Variants in MAGI2 observed in about 807,000 individuals in gnomAD.
MAGI2 encodes membrane-associated guanylate kinase, WW and PDZ domain-containing protein 2.
A neutral mutation model predicts 133.3 loss-of-function variants in MAGI2; 35 were observed. The observed-to-expected ratio is 0.26, with a 90% confidence interval of 0.20 to 0.35. The LOEUF (loss-of-function observed/expected upper bound fraction) is 0.35, where lower values mean the gene tolerates loss of function less well. Among genes scored for constraint, MAGI2 ranks in the 10% least tolerant of loss-of-function variants. The pLI, the probability that MAGI2 is intolerant of heterozygous loss-of-function variation, is 1.00. For synonymous variants in MAGI2, 729 were observed against 710.6 expected, an observed-to-expected ratio of 1.03 and a Z score of -0.41; for missense variants, 1,636 against 1,863.4, an observed-to-expected ratio of 0.88 and a Z score of 2.25.
chr7:79,322,991 A>G (rs1013881670), intron 1 of MAGI2, among the ~76,000 whole-genome samples: 1 of 151,912 alleles, frequency 6.6e-6, no homozygotes, highest in Admixed American at 6.6e-5. Context: ...CGCATGCACC[A>G]TTACTCCTCA....
chr7:79,236,914 G>A (rs1454333032), intron 1 of MAGI2, among the ~76,000 whole-genome samples: 4 of 152,130 alleles, frequency 2.6e-5, no homozygotes, highest in Non-Finnish European at 4.4e-5. Context: ...GGACAGTGGT[G>A]TGCAACTGTA....
chr7:78,117,453 A>AG (rs2150486088), intron 20 of MAGI2, among the ~76,000 whole-genome samples: 1 of 152,228 alleles, frequency 6.6e-6, no homozygotes, highest in Non-Finnish European at 1.5e-5. Flanking sequence ...CTATGGATGC[A>AG]GAAAAAGTAG....
intron 9 of MAGI2, among the ~76,000 whole-genome samples, chr7:78,271,476 A>T (rs567495302): frequency 6.6e-6 from 1 of 152,100 alleles, no homozygotes; most frequent in Non-Finnish European, 1.5e-5. Flanking sequence ...CATAAAATGA[A>T]TTAGGGAGGA....
chr7:79,207,268 ATAAGT>A (rs1829134080), intron 1 of MAGI2, among the ~76,000 whole-genome samples: 1 of 151,932 alleles, frequency 6.6e-6, no homozygotes, highest in Admixed American at 6.6e-5. Context: ...TTGGAAAGCA[ATAAGT>A]TAAGTTGTCC....
At chr7:78,398,123 T>C (rs936356105) in intron 6 of MAGI2, among the ~76,000 whole-genome samples, 3 of 152,174 alleles carry the variant, frequency 2.0e-5, no homozygotes, top group African/African-American at 7.2e-5. Flanking sequence ...ATCTACATGC[T>C]GTAATCAGCT....
chr7:79,273,790 C>T (rs1161302779), intron 1 of MAGI2, among the ~76,000 whole-genome samples: 2 of 151,984 alleles, frequency 1.3e-5, no homozygotes, highest in African/African-American at 2.4e-5. Flanking sequence ...CTTCACTGTT[C>T]CCCTTATGCA....
At chr7:79,188,409 G>C (rs940519459) in intron 1 of MAGI2, among the ~76,000 whole-genome samples, 2 of 151,778 alleles carry the variant, frequency 1.3e-5, no homozygotes, top group African/African-American at 4.9e-5. Context: ...AGTTTGCTGA[G>C]GATAATGGTT....
chr7:78,617,201 G>A (rs1374987210), intron 3 of MAGI2: 1 of 152,108 alleles, frequency 6.6e-6, no homozygotes, highest in African/African-American at 2.4e-5. Context: ...TCAAGATCCT[G>A]TGTGGGTAGG....
At chr7:78,231,942 T>TC (rs397890049) in intron 10 of MAGI2, among the ~76,000 whole-genome samples, 7 of 151,714 alleles carry the variant, frequency 4.6e-5, no homozygotes, top group Admixed American at 1.3e-4. Flanking sequence ...GGGTTTTTTT[T>TC]CCCATAATAC....
chr7:79,387,387 C>T (rs1324642266), intron 1 of MAGI2, among the ~76,000 whole-genome samples: 1 of 152,068 alleles, frequency 6.6e-6, no homozygotes, highest in Non-Finnish European at 1.5e-5. Flanking sequence ...TTAACCTCTT[C>T]TATCATATCT....
intron 1 of MAGI2, among the ~76,000 whole-genome samples, chr7:79,441,534 C>A (rs1008618139): frequency 1.3e-5 from 2 of 151,264 alleles, no homozygotes; most frequent in African/African-American, 2.4e-5. Flanking sequence ...TTTTATATTT[C>A]ATTTATAGTA....
intron 2 of MAGI2, among the ~76,000 whole-genome samples, chr7:78,700,346 T>C (rs1156631689): frequency 6.6e-6 from 1 of 152,140 alleles, no homozygotes; most frequent in African/African-American, 2.4e-5. Flanking sequence ...GTGTAGGAGA[T>C]AGTTCACATA....
chr7:78,820,927 T>C (rs1790035967), intron 2 of MAGI2, among the ~76,000 whole-genome samples: 1 of 152,034 alleles, frequency 6.6e-6, no homozygotes, highest in African/African-American at 2.4e-5. Flanking sequence ...TAATATAATT[T>C]GATAAATTTT....
intron 2 of MAGI2, among the ~76,000 whole-genome samples, chr7:78,955,742 T>TTTCC (rs1802289071): frequency 1.5e-5 from 1 of 65,308 alleles, no homozygotes; most frequent in Non-Finnish European, 3.5e-5. Context: ...TCTTTCTTTC[T>TTTCC]TTCTTTCTTT....
chr7:78,240,628 G>A (rs1791037382), intron 10 of MAGI2, among the ~76,000 whole-genome samples: 1 of 152,162 alleles, frequency 6.6e-6, no homozygotes, highest in Admixed American at 6.5e-5. Flanking sequence ...GTTCCCAGAG[G>A]CTGGGATGGT....
intron 1 of MAGI2, among the ~76,000 whole-genome samples, chr7:79,379,829 CTT>C (rs34699264): frequency 4.0e-4 from 57 of 142,770 alleles, no homozygotes; most frequent in Admixed American, 1.8e-3. Flanking sequence ...CTCCCCCCAA[CTT>C]TTTTTTTTTT....
chr7:79,068,667 T>C (rs1814629234), intron 1 of MAGI2, among the ~76,000 whole-genome samples: 1 of 152,176 alleles, frequency 6.6e-6, no homozygotes, highest in Non-Finnish European at 1.5e-5. Flanking sequence ...TCCAGTTCTT[T>C]TAATTGTGAT....
At chr7:78,126,567 T>A (rs542989053) in intron 19 of MAGI2, among the ~76,000 whole-genome samples, 1 of 152,342 alleles carries the variant, frequency 6.6e-6, no homozygotes, top group East Asian at 1.9e-4. Flanking sequence ...TCCTGGCCTG[T>A]AAGGAAGACT....
At chr7:78,744,359 C>T (rs1471449012) in intron 2 of MAGI2, among the ~76,000 whole-genome samples, 1 of 152,088 alleles carries the variant, frequency 6.6e-6, no homozygotes, top group East Asian at 1.9e-4. Flanking sequence ...AACTTCTTAC[C>T]TCACTGGCTA....
Sources: gnomAD v4.1 joint callset for allele counts (sites outside exome capture counted in the v4.1 genomes callset) on GRCh38, gnomAD v4.1.1 for gene constraint, MANE v1.5 for transcripts, NCBI Gene and HGNC (gene_info 2026-07-23, HGNC 2026-07-21) for gene names.